Variants in SHC3 observed in about 807,000 individuals in gnomAD.
SHC3 encodes the protein SHC-transforming protein 3.
Under a neutral mutation model 60.4 loss-of-function variants are expected in SHC3, and 15 were observed. The observed-to-expected ratio is 0.25, with a 90% confidence interval of 0.17 to 0.38. The LOEUF (loss-of-function observed/expected upper bound fraction) is 0.38, where lower values mean the gene tolerates loss of function less well. Ranked by LOEUF, SHC3 falls within the 10% of genes least tolerant of loss-of-function variation. The probability of loss-of-function intolerance (pLI) is 1.00; values close to 1 mark genes in which losing one functional copy is unlikely to be tolerated. For synonymous variants in SHC3, 294 were observed against 325.9 expected, an observed-to-expected ratio of 0.90 and a Z score of 1.05; for missense variants, 677 against 786.1, an observed-to-expected ratio of 0.86 and a Z score of 1.66.
chr9:89,064,959 T>C (rs1320544840), intron 6 of SHC3, among the ~76,000 whole-genome samples: 1 of 152,182 alleles, frequency 6.6e-6, no homozygotes, highest in African/African-American at 2.4e-5. Flanking sequence ...GGTGCATCAA[T>C]AGCTGCCTGG....
intron 1 of SHC3, among the ~76,000 whole-genome samples, chr9:89,139,848 A>G (rs1826367829): frequency 6.6e-6 from 1 of 152,214 alleles, no homozygotes; most frequent in South Asian, 2.1e-4. Flanking sequence ...GCTAGGGAGC[A>G]TGGCTCTCCA....
intron 1 of SHC3, among the ~76,000 whole-genome samples, chr9:89,143,927 C>A (rs1826431614): frequency 6.6e-6 from 1 of 152,124 alleles, no homozygotes; most frequent in South Asian, 2.1e-4. Context: ...TGTCTGGACT[C>A]CATCAAAGTG....
At chr9:89,049,099 A>C (rs1035698867) in intron 7 of SHC3, among the ~76,000 whole-genome samples, 1 of 152,176 alleles carries the variant, frequency 6.6e-6, no homozygotes, top group African/African-American at 2.4e-5. Flanking sequence ...ATCTCTACTA[A>C]AAATACAAAA....
chr9:89,103,414 G>A (rs1440863112), intron 2 of SHC3, among the ~76,000 whole-genome samples: 1 of 152,178 alleles, frequency 6.6e-6, no homozygotes, highest in Non-Finnish European at 1.5e-5. Context: ...CAGTAATGGA[G>A]GGGAGAATGG....
At chr9:89,086,059 G>C (rs964839906) in intron 2 of SHC3, among the ~76,000 whole-genome samples, 16 of 152,176 alleles carry the variant, frequency 1.1e-4, no homozygotes, top group African/African-American at 3.9e-4. Context: ...AATAGAGCCT[G>C]GCATGGGGCA....
At chr9:89,078,214 G>A (rs1455817732) in intron 2 of SHC3, among the ~76,000 whole-genome samples, 1 of 143,992 alleles carries the variant, frequency 6.9e-6, no homozygotes, top group Non-Finnish European at 1.5e-5. Flanking sequence ...TTCTATTTTT[G>A]TAAGTCAGCA....
chr9:89,109,854 A>G, intron 2 of SHC3: 1 of 985,484 alleles, frequency 1.0e-6, no homozygotes, highest in South Asian at 4.7e-5. Flanking sequence ...GCTAACTTCT[A>G]AGCAAAGTCT....
chr9:89,049,960 G>T (rs771406827), intron 7 of SHC3, among the ~76,000 whole-genome samples: 39 of 152,282 alleles, frequency 2.6e-4, no homozygotes, highest in Non-Finnish European at 4.9e-4. Flanking sequence ...TTTGGGAATT[G>T]TTTATTGCTC....
chr9:89,121,792 C>T (rs1199275719), intron 1 of SHC3, among the ~76,000 whole-genome samples: 1 of 152,052 alleles, frequency 6.6e-6, no homozygotes, highest in Non-Finnish European at 1.5e-5. Flanking sequence ...ACAAATAATG[C>T]TAACAATTTA....
intron 2 of SHC3, among the ~76,000 whole-genome samples, chr9:89,086,789 A>G (rs911405984): frequency 2.6e-5 from 4 of 152,198 alleles, no homozygotes; most frequent in South Asian, 4.1e-4. Context: ...GAAGATTCCA[A>G]GGATTTTAGA....
intron 5 of SHC3, among the ~76,000 whole-genome samples, chr9:89,067,646 A>G (rs1246633934): frequency 6.6e-6 from 1 of 152,224 alleles, no homozygotes; most frequent in East Asian, 1.9e-4. Context: ...AATTAGTGGA[A>G]GAATTGAGTC....
intron 6 of SHC3, among the ~76,000 whole-genome samples, chr9:89,053,116 C>T (rs962807670): frequency 6.6e-6 from 1 of 152,238 alleles, no homozygotes; most frequent in Non-Finnish European, 1.5e-5. Context: ...CCTGAAGGAG[C>T]CACAGGGCTG....
intron 1 of SHC3, among the ~76,000 whole-genome samples, chr9:89,128,241 T>C (rs1205234360): frequency 2.0e-5 from 3 of 152,204 alleles, no homozygotes; most frequent in East Asian, 1.9e-4. Flanking sequence ...CTTCAAAATT[T>C]AGACATTTGG....
At chr9:89,087,482 G>A (rs1025361645) in intron 2 of SHC3, among the ~76,000 whole-genome samples, 1 of 152,176 alleles carries the variant, frequency 6.6e-6, no homozygotes, top group African/African-American at 2.4e-5. Flanking sequence ...GGTGCCTGCA[G>A]GGGGACGAGG....
chr9:89,125,356 T>C (rs1322008788), intron 1 of SHC3, among the ~76,000 whole-genome samples: 1 of 152,168 alleles, frequency 6.6e-6, no homozygotes, highest in Non-Finnish European at 1.5e-5. Flanking sequence ...ATGTTAGTTT[T>C]TTTTTTTCAA....
chr9:89,034,543 A>G (rs1564087977), intron 11 of SHC3, among the ~76,000 whole-genome samples: 7 of 152,202 alleles, frequency 4.6e-5, no homozygotes. Flanking sequence ...GAAACTGTCC[A>G]GGTCTGCAAT....
Position 89,113,212 on chromosome 9 carries a change from A to G in SHC3, c.475-586T>C, listed in dbSNP as rs1198514376. On this transcript the variant is annotated intron_variant, in intron 1 of 11. Coordinates refer to ENST00000375835, the MANE Select transcript of SHC3 (RefSeq NM_016848.6). ...TGATCATAAATTTTTAGAAGCTCAG[A>G]TTTATACATCTAAATGCATAGCTAA... 2.0e-5 allele frequency among the ~76,000 whole-genome samples: 3 copies of G among 152,214 alleles called. No homozygotes were observed. The East Asian group carries it at 5.8e-4, about 29-fold the overall frequency.
chr9:89,109,386 C>T (rs1046601388), intron 2 of SHC3: 8 of 979,710 alleles, frequency 8.2e-6, no homozygotes, highest in African/African-American at 5.3e-5. Flanking sequence ...CTCATGCACA[C>T]AGAATACATA....
chr9:89,086,679 C>T (rs563417170), intron 2 of SHC3, among the ~76,000 whole-genome samples: 31 of 152,306 alleles, frequency 2.0e-4, no homozygotes, highest in Middle Eastern at 3.4e-3. Flanking sequence ...AGATTAGGGA[C>T]GGGGCTGGAA....
Sources: allele counts gnomAD v4.1 joint callset (sites outside exome capture counted in the v4.1 genomes callset), GRCh38; gene constraint gnomAD v4.1.1; transcripts MANE v1.5; gene names NCBI Gene and HGNC (gene_info 2026-07-23, HGNC 2026-07-21).